ZNF490: variants seen among roughly 807,000 people sequenced by gnomAD.
ZNF490 encodes zinc finger protein 490.
Under a neutral mutation model 17.7 loss-of-function variants are expected in ZNF490, and 11 were observed. The ratio of observed to expected loss-of-function variants is 0.62; its 90% CI spans 0.39 to 1.03. The LOEUF is 1.03. Among genes scored for constraint, ZNF490 ranks in the 50% least tolerant of loss-of-function variants. The pLI is 0.00. For missense variants in ZNF490, 542 were observed against 643.4 expected (o/e 0.84, Z 1.71); for synonymous variants, 222 against 216.1 (o/e 1.03, Z -0.24).
intron 2 of ZNF490, among the ~76,000 whole-genome samples, chr19:12,606,377 A>G (rs559350721): frequency 1.5e-5 from 2 of 131,436 alleles, no homozygotes; most frequent in Admixed American, 1.7e-4. Flanking sequence ...CAGGGTCTCT[A>G]TCTGTTGCCC....
At position 12,580,851 on chromosome 19, in the gene ZNF490, G is replaced by A. The variant is rs143896527; in HGVS notation, c.1224C>T (p.His408=). Residue 408 remains histidine, a synonymous_variant, in exon 5 of 5, where the codon CAC becomes CAT. Transcript: ENST00000311437. ...AFNSSSYLQL[H]ERVHTGEKTY... is the part of the protein sequence containing the mutation. Reference sequence around the variant, plus strand: ...TTTTCTCGCCAGTGTGAACTCTTTCGTGCAACTGAAGGTAACTTGAAGAAT... The same window carrying A: ...TTTTCTCGCCAGTGTGAACTCTTTCATGCAACTGAAGGTAACTTGAAGAAT... 1,372 of 1,614,028 alleles carry A rather than the reference G, an allele frequency of 8.5e-4. 1 individual carries two copies. The highest frequency in any genetic ancestry group is 1.6e-3 in the Middle Eastern group (10 of 6,062).
chr19:12,581,519 A>C lies in ZNF490; in HGVS notation c.556T>G (p.Cys186Gly). ...RSHTEQKPNE[C>G]HEYGEKPHKC... ...TGTGGCTTCTCTCCATATTCGTGAC[A>C]CTCATTTGGTTTCTGTTCAGTGTGA... The change falls in exon 5 of 5, where the codon TGT (cysteine) becomes GGT (glycine). Residue 186 changes from cysteine (C) to glycine (G), a missense_variant. Coordinates refer to ENST00000311437, the MANE Select transcript of ZNF490 (RefSeq NM_020714.3). 1 of 1,614,060 alleles carries C rather than the reference A, an allele frequency of 6.2e-7. No individual in the cohort carries two copies. The highest frequency in any genetic ancestry group is 8.5e-7 in the Non-Finnish European group (1 of 1,180,008).
intron 1 of ZNF490, chr19:12,610,055 A>G (rs1016709936): frequency 1.9e-5 from 8 of 426,406 alleles, no homozygotes; most frequent in Admixed American, 8.4e-5. Context: ...CAACGAAAAC[A>G]AACCATTTCC....
chr19:12,582,969 C>T (rs2022759029), intron 3 of ZNF490, 59 bp from the exon 4 acceptor site: 2 of 1,377,328 alleles, frequency 1.5e-6, no homozygotes, highest in African/African-American at 2.9e-5. Context: ...AAAATTATAA[C>T]ACTCTAAGAT....
In ZNF490 at chr19:12,581,089, G is replaced by C. The variant is rs768888217; in HGVS notation, c.986C>G (p.Thr329Ser). 7 of 1,613,970 alleles carry C rather than the reference G, an allele frequency of 4.3e-6. No individual in the cohort carries two copies. Among genetic ancestry groups the C allele is most frequent in the Non-Finnish European group, 5.9e-6 (7 of 1,180,010 alleles). ...CCTACATACAAAAGGTTTCTCTCCAGTATGAGTTTTCTCATGACTCCGTAA... is the reference window on the plus strand; with the variant it reads ...CCTACATACAAAAGGTTTCTCTCCACTATGAGTTTTCTCATGACTCCGTAA... ...TYLRSHEKTH[T>S]GEKPFVCREC... The change falls in exon 5 of 5, where the codon ACT (threonine) becomes AGT (serine). Residue 329 changes from threonine to serine, a missense_variant. Transcript: ENST00000311437.
In ZNF490 at chr19:12,586,711, C is replaced by T. The variant is rs2022809860; in HGVS notation, c.163-3155G>A. ...TTTTCTTTTTTTTTTGAGACAGAGT[C>T]TTACTCTGTTGCCTAGGCTGGATTG... On this transcript the variant is annotated intron_variant, in intron 2 of 4. Coordinates refer to ENST00000311437, the MANE Select transcript of ZNF490 (RefSeq NM_020714.3). Among the ~76,000 whole-genome samples, 2 of 93,144 alleles carry T rather than the reference C, an allele frequency of 2.1e-5. 1 individual carries two copies. Among genetic ancestry groups the T allele is most frequent in the Non-Finnish European group, 5.8e-5 (2 of 34,642 alleles). 61.1% of individuals were successfully genotyped at this position (93,144 alleles called of 152,430 possible). A position where few individuals can be genotyped will look rare whatever the true frequency, so the allele number is the denominator to read the frequency against.
chr19:12,597,090 T>C (rs1864082), intron 2 of ZNF490: 277,022 of 458,090 alleles, frequency 0.6, 87,425 homozygotes, highest in Non-Finnish European at 0.68. Context: ...GGTCTTCCCA[T>C]AGCCGGTTCC....
At position 12,588,952 on chromosome 19, in the gene ZNF490, G is replaced by T. The variant is rs969567533; in HGVS notation, c.163-5396C>A. On this transcript the variant is annotated intron_variant, in intron 2 of 4. Coordinates refer to ENST00000311437, the MANE Select transcript of ZNF490 (RefSeq NM_020714.3). Reference sequence around the variant, plus strand: ...TAGAATGCAGCAAAAGGAGTGCCTGGCTGAAATGTAGACGATTGAACACAT... The same window carrying T: ...TAGAATGCAGCAAAAGGAGTGCCTGTCTGAAATGTAGACGATTGAACACAT... Among the ~76,000 whole-genome samples, 4 of 152,156 alleles carry T rather than the reference G, an allele frequency of 2.6e-5. No homozygotes were observed. The East Asian group carries it at 7.7e-4, about 29-fold the overall frequency.
In ZNF490 at chr19:12,580,365, T is replaced by G. The variant is rs1480608348; in HGVS notation, c.*120A>C. 2.0e-6 allele frequency: 3 copies of G among 1,480,188 alleles called. No homozygotes were observed. In the African/African-American group the frequency reaches 4.2e-5, roughly 21 times the overall value. 91.7% of individuals were successfully genotyped at this position (1,480,188 alleles called of 1,614,324 possible). A position where few individuals can be genotyped will look rare whatever the true frequency, so the allele number is the denominator to read the frequency against. On this transcript the variant is annotated 3_prime_UTR_variant, in exon 5 of 5. Transcript: ENST00000311437. ...GCATGAGTCACGTCTTCAAAGGGAATTAGGACAACTGAAGGCTTAATCACA... is the reference window on the plus strand; with the variant it reads ...GCATGAGTCACGTCTTCAAAGGGAAGTAGGACAACTGAAGGCTTAATCACA...
intron 2 of ZNF490, among the ~76,000 whole-genome samples, chr19:12,597,654 G>C (rs1264770641): frequency 6.6e-6 from 1 of 152,166 alleles, no homozygotes; most frequent in Non-Finnish European, 1.5e-5. Context: ...CTTTTTGATT[G>C]TGTGAATTTC....
intron 1 of ZNF490, 133 bp downstream of exon 1, chr19:12,610,431 C>T: frequency 1.3e-6 from 1 of 787,940 alleles, no homozygotes; most frequent in Non-Finnish European, 2.1e-6. Flanking sequence ...AGGTGGACGC[C>T]TCAACGCTGT....
At chr19:12,583,756 G>GCTCTCTCTCTCTCTCT (rs1195574032) in intron 2 of ZNF490, among the ~76,000 whole-genome samples, 200 bp from the exon 3 acceptor site, 1 of 29,746 alleles carries the variant, frequency 3.4e-5, no homozygotes, top group South Asian at 1.0e-3. Context: ...AAATTATTGC[G>GCTCTCTCTCTCTCTCT]CTCTCTCTCT....
intron 2 of ZNF490, among the ~76,000 whole-genome samples, chr19:12,599,181 A>G (rs2022973163): frequency 6.6e-6 from 1 of 150,972 alleles, no homozygotes; most frequent in South Asian, 2.1e-4. Flanking sequence ...GAAAAGAAAA[A>G]AAAAGAGACA....
chr19:12,601,949 G>A (rs555077775), intron 2 of ZNF490, among the ~76,000 whole-genome samples: 13 of 151,112 alleles, frequency 8.6e-5, no homozygotes, highest in South Asian at 4.2e-4. Context: ...AGCCGAGATC[G>A]CACCACTGCA....
chr19:12,581,453 T>C lies in ZNF490; in HGVS notation c.622A>G (p.Ser208Gly), dbSNP rs1445766532. 3.1e-6 allele frequency: 5 copies of C among 1,614,150 alleles called. No individual in the cohort carries two copies. The highest frequency in any genetic ancestry group is 4.2e-6 in the Non-Finnish European group (5 of 1,180,050). The change falls in exon 5 of 5, where the codon AGT becomes GGT. Residue 208 changes from serine (S) to glycine (G), a missense_variant. Physicochemically the swap from Ser to Gly is moderately conservative, Grantham distance 56. Transcript: ENST00000311437. Reference sequence around the variant, plus strand: ...TGAATTCTTTCATGGGTTCGAATACTGGAGCTGCGAGTGAAGGTTTTCCCA... The same window carrying C: ...TGAATTCTTTCATGGGTTCGAATACCGGAGCTGCGAGTGAAGGTTTTCCCA... Reference protein sequence around the residue: ...ECGKTFTRSSSIRTHERIHTG... With the variant: ...ECGKTFTRSSGIRTHERIHTG...
chr19:12,603,605 A>G (rs1397400759), intron 2 of ZNF490, among the ~76,000 whole-genome samples: 1 of 152,108 alleles, frequency 6.6e-6, no homozygotes, highest in Admixed American at 6.6e-5. Flanking sequence ...AGTCTGGGCA[A>G]CATGGCGAAA....
chr19:12,589,365 T>C (rs561127379), intron 2 of ZNF490, among the ~76,000 whole-genome samples: 2 of 151,480 alleles, frequency 1.3e-5, no homozygotes, highest in Admixed American at 6.6e-5. Flanking sequence ...TCAAAAAAAA[T>C]AGATAGAGAA....
intron 2 of ZNF490, among the ~76,000 whole-genome samples, chr19:12,599,583 C>A (rs926103268): frequency 1.3e-5 from 2 of 152,224 alleles, no homozygotes; most frequent in African/African-American, 4.8e-5. Flanking sequence ...GGCTCCCCAC[C>A]TGGTCCATAA....
At position 12,582,911 on chromosome 19, in the gene ZNF490, C is replaced by T. The variant is rs757100403; in HGVS notation, c.290-1G>A. Reference sequence around the variant, plus strand: ...ATATCCTGGTCTTTCCATTTTTCCCCTAAAATACAAGCCCAGAGAACTCAC... The same window carrying T: ...ATATCCTGGTCTTTCCATTTTTCCCTTAAAATACAAGCCCAGAGAACTCAC... On this transcript the variant is annotated splice_acceptor_variant, in intron 3 of 4. Transcript: ENST00000311437. LOFTEE classifies it high-confidence loss of function. 1.9e-6 allele frequency: 3 copies of T among 1,610,660 alleles called. No individual in the cohort carries two copies. Among genetic ancestry groups the T allele is most frequent in the Middle Eastern group, 1.7e-4 (1 of 6,048 alleles).
Sources: allele counts gnomAD v4.1 joint callset (sites outside exome capture counted in the v4.1 genomes callset), GRCh38; gene constraint gnomAD v4.1.1; transcripts MANE v1.5; gene names NCBI Gene and HGNC (gene_info 2026-07-23, HGNC 2026-07-21).